Variants in SKIC2 observed in about 807,000 individuals in gnomAD.
SKIC2 encodes the protein superkiller complex protein 2.
At chr6:31,963,570 A>G in the SKIC2 span, 3 of 1,557,116 alleles carry the variant, frequency 1.9e-6, no homozygotes, top group Non-Finnish European at 2.6e-6. The surrounding 1 kb of genome is among the most constrained non-coding windows in gnomAD (Gnocchi z 5.3). Context: ...GTAAGCCTCG[A>G]GATGGGGGAA....
the SKIC2 span, chr6:31,965,751 T>A: frequency 7.2e-7 from 1 of 1,396,184 alleles, no homozygotes; most frequent in Middle Eastern, 1.8e-4. The surrounding 1 kb of genome is among the most constrained non-coding windows in gnomAD (Gnocchi z 5.6). Context: ...TGTAGAGCCT[T>A]TGCTGATCCT....
the SKIC2 span, chr6:31,964,324 C>T: frequency 1.2e-6 from 2 of 1,612,826 alleles, no homozygotes; most frequent in African/African-American, 1.3e-5. This position sits in a 1 kb window ranked among gnomAD's most constrained non-coding sequence, Gnocchi z 5.0. Context: ...AGATGCTCTT[C>T]AGCCGTGGCC....
At chr6:31,968,616 A>T in the SKIC2 span, 1 of 1,553,292 alleles carries the variant, frequency 6.4e-7, no homozygotes. This position sits in a 1 kb window ranked among gnomAD's most constrained non-coding sequence, Gnocchi z 6.1. Flanking sequence ...GACCGCCCCC[A>T]TCTCAGCCCT....
chr6:31,959,204 A>AC, the SKIC2 span: 7 of 1,609,480 alleles, frequency 4.3e-6, no homozygotes, highest in Non-Finnish European at 5.9e-6. Context: ...TGATGGAGAC[A>AC]GAGCGACTTG....
At chr6:31,963,977 T>C in the SKIC2 span, 2 of 1,612,352 alleles carry the variant, frequency 1.2e-6, no homozygotes, top group African/African-American at 2.7e-5. The surrounding 1 kb of genome is among the most constrained non-coding windows in gnomAD (Gnocchi z 5.3). Context: ...CCCGTGGTGG[T>C]GTTCACCTTC....
chr6:31,963,712 A>G, the SKIC2 span: 4 of 1,546,932 alleles, frequency 2.6e-6, no homozygotes, highest in South Asian at 5.0e-5. The surrounding 1 kb of genome is among the most constrained non-coding windows in gnomAD (Gnocchi z 5.3). Context: ...AGCAGCCCAC[A>G]CATCAGGGGG....
At chr6:31,968,018 G>T in the SKIC2 span, 2 of 1,613,078 alleles carry the variant, frequency 1.2e-6, no homozygotes, top group Non-Finnish European at 8.5e-7. The surrounding 1 kb of genome is among the most constrained non-coding windows in gnomAD (Gnocchi z 6.1). Flanking sequence ...CACCACCAAG[G>T]TGCTCCGGGT....
At chr6:31,969,413 G>C in the SKIC2 span, 12 of 1,614,166 alleles carry the variant, frequency 7.4e-6, no homozygotes, top group African/African-American at 1.3e-5. The surrounding 1 kb of genome is among the most constrained non-coding windows in gnomAD (Gnocchi z 6.1). Flanking sequence ...GAGTGGGCCC[G>C]GGGCATGGTG....
the SKIC2 span, chr6:31,959,402 T>A: frequency 6.2e-7 from 1 of 1,607,380 alleles, no homozygotes; most frequent in Non-Finnish European, 8.5e-7. Flanking sequence ...GAGAGTAGCG[T>A]GAGTGACTTT....
At chr6:31,968,288 A>G in the SKIC2 span, 17 of 1,542,386 alleles carry the variant, frequency 1.1e-5, no homozygotes, top group Non-Finnish European at 1.5e-5. This position sits in a 1 kb window ranked among gnomAD's most constrained non-coding sequence, Gnocchi z 6.1. Context: ...TGGGGGAGAG[A>G]AGATCTTACC....
the SKIC2 span, chr6:31,962,133 C>T: frequency 7.0e-7 from 1 of 1,418,846 alleles, no homozygotes; most frequent in South Asian, 1.2e-5. The surrounding 1 kb of genome is among the most constrained non-coding windows in gnomAD (Gnocchi z 5.0). Flanking sequence ...CTCATCTCTT[C>T]CCCCACCTCT....
the SKIC2 span, among the ~76,000 whole-genome samples, chr6:31,965,377 A>G: frequency 1.3e-5 from 2 of 152,308 alleles, no homozygotes; most frequent in Admixed American, 1.3e-4. The surrounding 1 kb of genome is among the most constrained non-coding windows in gnomAD (Gnocchi z 5.6). Context: ...CCACAGGAAC[A>G]TGGACAGATG....
chr6:31,968,990 G>C, the SKIC2 span: 1 of 1,612,952 alleles, frequency 6.2e-7, no homozygotes, highest in Non-Finnish European at 8.5e-7. This position sits in a 1 kb window ranked among gnomAD's most constrained non-coding sequence, Gnocchi z 6.1. Flanking sequence ...ACAATGCACT[G>C]AGCACCCTGC....
the SKIC2 span, chr6:31,966,980 C>G: frequency 3.7e-6 from 6 of 1,612,906 alleles, no homozygotes; most frequent in African/African-American, 4.0e-5. This position sits in a 1 kb window ranked among gnomAD's most constrained non-coding sequence, Gnocchi z 5.9. Flanking sequence ...TCCCCTTTCA[C>G]AGCTTCCCCT....
chr6:31,963,516 C>T, the SKIC2 span: 1 of 1,605,882 alleles, frequency 6.2e-7, no homozygotes, highest in South Asian at 1.1e-5. The surrounding 1 kb of genome is among the most constrained non-coding windows in gnomAD (Gnocchi z 5.3). Flanking sequence ...CCAGGGGGAG[C>T]TCTTTTTGTT....
chr6:31,960,389 G>A, the SKIC2 span: 2 of 1,596,674 alleles, frequency 1.3e-6, no homozygotes, highest in Non-Finnish European at 1.7e-6. Flanking sequence ...GAGGTGGTCA[G>A]AGACAAGCTC....
chr6:31,968,155 T>C, the SKIC2 span: 1 of 1,589,186 alleles, frequency 6.3e-7, no homozygotes, highest in South Asian at 1.1e-5. The surrounding 1 kb of genome is among the most constrained non-coding windows in gnomAD (Gnocchi z 6.1). Flanking sequence ...GGTCTGGGAG[T>C]TTCCTCCAGC....
chr6:31,968,894 GGAC>G, the SKIC2 span: 1 of 1,612,904 alleles, frequency 6.2e-7, no homozygotes. This position sits in a 1 kb window ranked among gnomAD's most constrained non-coding sequence, Gnocchi z 6.1. Flanking sequence ...TGGGTTATGT[GGAC>G]GAGGCGGGCA....
the SKIC2 span, chr6:31,961,869 G>A: frequency 3.0e-5 from 49 of 1,607,986 alleles, no homozygotes; most frequent in African/African-American, 4.0e-5. Flanking sequence ...GCAAGGCCCC[G>A]CTCCTTTCTT....
Sources: gnomAD v4.1 joint callset for allele counts (sites outside exome capture counted in the v4.1 genomes callset) on GRCh38, gnomAD v4.1.1 for gene constraint, Gnocchi (gnomAD v3.1) non-coding constraint, MANE v1.5 for transcripts, NCBI Gene and HGNC (gene_info 2026-07-23, HGNC 2026-07-21) for gene names.